GP6: variants seen among roughly 807,000 people sequenced by gnomAD.
GP6 encodes platelet glycoprotein VI.
GP6 carries 45 observed loss-of-function variants against 37.3 expected under a neutral mutation model. The observed-to-expected ratio is 1.21, with a 90% CI of 0.95 to 1.55. The LOEUF is 1.55. Ranked by LOEUF, GP6 falls within the 40% of genes most tolerant of loss-of-function variation. GP6 has a pLI of 0.00. For missense variants in GP6, 813 were observed against 760.2 expected (o/e 1.07, Z -0.82); for synonymous variants, 340 against 316.4 (o/e 1.07, Z -0.79).
At chr19:55,037,623 C>CATT (rs2074883356) in intron 1 of GP6, among the ~76,000 whole-genome samples, 2 of 50,410 alleles carry the variant, frequency 4.0e-5, no homozygotes, top group African/African-American at 1.6e-4. Context: ...GGCACTCAGC[C>CATT]TTTTTTTTTT....
At chr19:55,034,943 G>A (rs1671207) in intron 1 of GP6, among the ~76,000 whole-genome samples, 2 of 151,822 alleles carry the variant, frequency 1.3e-5, no homozygotes, top group African/African-American at 4.8e-5. Context: ...GCACCCCAAC[G>A]CAAGCTCCGG....
chr19:55,018,666 TC>T lies in GP6; in HGVS notation c.709del (p.Glu237LysfsTer105), dbSNP rs747661380. Reference sequence around the variant, plus strand: ...TGGTTACTCACCAGTTGTGAAGACTTCGTTTGTGAATGAGACGGTCAGTTCA... The same window carrying T: ...TGGTTACTCACCAGTTGTGAAGACTTGTTTGTGAATGAGACGGTCAGTTCA... On this transcript the variant is annotated frameshift_variant, in exon 6 of 8. Transcript: ENST00000310373. LOFTEE classifies it high-confidence loss of function. The T allele has an allele frequency of 6.2e-7, 1 of 1,600,574 alleles. No homozygotes were observed. Among genetic ancestry groups the T allele is most frequent in the East Asian group, 2.2e-5 (1 of 44,824 alleles).
rs570109671 is a variant in GP6 at position 55,014,632 on chromosome 19, G to C, written c.1313C>G (p.Thr438Arg). The C allele has an allele frequency of 1.2e-6, 2 of 1,614,124 alleles. No individual in the cohort carries two copies. The highest frequency in any genetic ancestry group is 3.3e-5 in the Admixed American group (2 of 60,020). Residue 438 changes from threonine (T) to arginine (R), a missense_variant, in exon 8 of 8, where the codon ACA becomes AGA. Thr to Arg is a moderately conservative substitution (Grantham distance 71). Transcript: ENST00000310373. ...AGAGGTTGAAGAAAGAGGCCAGTAT[G>C]TGGTCCAGCCAGGGTACCATGTCAT...
At position 55,033,453 on chromosome 19, in the gene GP6, C is replaced by T. The variant is rs1172681891; in HGVS notation, c.35-915G>A. Among the ~76,000 whole-genome samples the T allele has an allele frequency of 2.1e-5, 3 of 140,778 alleles. No individual in the cohort carries two copies. In the South Asian group the frequency reaches 7.1e-4, roughly 33 times the overall value. The allele number at this position is 140,778 out of a possible 152,430, so 92.4% of individuals were successfully genotyped here. On this transcript the variant is annotated intron_variant, in intron 1 of 7. Transcript: ENST00000310373. ...GCGGTGGGCTCGTTCGTGTTAGACG[C>T]GGTGGGCTCGTTCGTGTTGTGTTAG...
chr19:55,034,518 T>G (rs2074751824), intron 1 of GP6, among the ~76,000 whole-genome samples: 1 of 150,120 alleles, frequency 6.7e-6, no homozygotes, highest in Non-Finnish European at 1.5e-5. Flanking sequence ...ATCACGCCAC[T>G]ACACTCCAGC....
chr19:55,026,000 C>A (rs2365591), intron 4 of GP6, among the ~76,000 whole-genome samples: 3,166 of 16,850 alleles, frequency 0.19, 68 homozygotes, highest in East Asian at 0.39. Context: ...AGACTCCCCC[C>A]AAAAAAAAAA....
At chr19:55,024,309 T>TGCACGCACACGCACATGCACAC (rs1357661954) in intron 5 of GP6, among the ~76,000 whole-genome samples, 1 of 129,950 alleles carries the variant, frequency 7.7e-6, no homozygotes, top group Non-Finnish European at 1.6e-5. Context: ...TGCACACACA[T>TGCACGCACACGCACATGCACAC]ATGCACGCAC....
intron 3 of GP6, among the ~76,000 whole-genome samples, 183 bp from the exon 4 acceptor site, chr19:55,028,045 G>A: frequency 6.6e-6 from 1 of 152,218 alleles, no homozygotes; most frequent in East Asian, 1.9e-4. Context: ...AGGAGGCTGT[G>A]CTCACGTCCT....
rs368239187 is a variant in GP6 at position 55,018,606 on chromosome 19, G to A, written c.724+46C>T. 94 of 1,058,280 alleles carry A rather than the reference G, an allele frequency of 8.9e-5. 1 individual carries two copies. In the East Asian group the frequency reaches 2.0e-3, roughly 22 times the overall value. The allele number at this position is 1,058,280 out of a possible 1,614,324, so 65.6% of individuals were successfully genotyped here. A position where few individuals can be genotyped will look rare whatever the true frequency, so the allele number is the denominator to read the frequency against. Reference sequence around the variant, plus strand: ...CTTAGATAATGGAAGAGAGAGCTCCGTCCTCACACTCCTTTCTGCTGAGCA... The same window carrying A: ...CTTAGATAATGGAAGAGAGAGCTCCATCCTCACACTCCTTTCTGCTGAGCA... On this transcript the variant is annotated intron_variant, in intron 6 of 7. Coordinates refer to ENST00000310373, the MANE Select transcript of GP6 (RefSeq NM_001083899.2).
rs1288310787 is a variant in GP6 at position 55,027,829 on chromosome 19, GGC to G, written c.357_358del (p.Gln119HisfsTer22). 4 of 1,614,106 alleles carry G rather than the reference GGC, an allele frequency of 2.5e-6. No homozygotes were observed. The South Asian group carries it at 4.4e-5, about 18-fold the overall frequency. On this transcript the variant is annotated frameshift_variant, in exon 4 of 8. Transcript: ENST00000310373. LOFTEE classifies it high-confidence loss of function. The stretch of plus-strand genomic sequence containing the variant: ...CCCTCCTGACGACACCGCCGGGCCG[GGC>G]TGGGCTGAGAGCGAGGGTTTGGCAA...
At chr19:55,015,255 T>G in intron 7 of GP6, 90 bp from the exon 8 acceptor site, 2 of 1,544,264 alleles carry the variant, frequency 1.3e-6, no homozygotes, top group South Asian at 2.4e-5. Flanking sequence ...GAGATCCTAT[T>G]ATTCTCTACT....
chr19:55,032,241 T>G lies in GP6; in HGVS notation c.223A>C (p.Ile75Leu), dbSNP rs1291584960. 1.2e-6 allele frequency: 2 copies of G among 1,614,088 alleles called. No individual in the cohort carries two copies. Among genetic ancestry groups the G allele is most frequent in the East Asian group, 2.2e-5 (1 of 44,876 alleles). Reference sequence around the variant, plus strand: ...GCCAGACTTCTCTTCATGGCCGGGATGAAGAGGACTGCCTGATCCTGGTAC... The same window carrying G: ...GCCAGACTTCTCTTCATGGCCGGGAGGAAGAGGACTGCCTGATCCTGGTAC... Residue 75 changes from isoleucine (I) to leucine (L), a missense_variant, in exon 3 of 8, where the codon ATC (isoleucine) becomes CTC (leucine). Transcript: ENST00000310373.
chr19:55,036,253 G>A (rs1177996429), intron 1 of GP6, among the ~76,000 whole-genome samples: 1 of 152,032 alleles, frequency 6.6e-6, no homozygotes, highest in Non-Finnish European at 1.5e-5. Context: ...GACTCAGAAG[G>A]GAAGGGCAGA....
At chr19:55,037,660 GCTCT>G (rs1156298718) in intron 1 of GP6, among the ~76,000 whole-genome samples, 2 of 114,238 alleles carry the variant, frequency 1.8e-5, no homozygotes, top group Non-Finnish European at 3.5e-5. Context: ...TGAGATGGAG[GCTCT>G]CTCTGTTGCC....
At chr19:55,032,445 A>T (rs1568638216) in intron 2 of GP6, 49 bp from the exon 3 acceptor site, 4 of 1,612,316 alleles carry the variant, frequency 2.5e-6, no homozygotes, top group African/African-American at 1.3e-5. Flanking sequence ...CCCCGCCTGG[A>T]CCCCGCTGCT....
intron 1 of GP6, among the ~76,000 whole-genome samples, chr19:55,037,716 C>G (rs2074889495): frequency 7.6e-6 from 1 of 132,436 alleles, no homozygotes; most frequent in African/African-American, 2.8e-5. Flanking sequence ...ACTGCAACTT[C>G]TGCCTCCCAG....
chr19:55,018,879 C>T, intron 5 of GP6, 168 bp from the exon 6 acceptor site: 2 of 685,980 alleles, frequency 2.9e-6, no homozygotes, highest in South Asian at 3.1e-5. Context: ...TCTTCCATGA[C>T]CGGCTTAGTA....
At chr19:55,015,418 G>GT (rs1263439886) in intron 7 of GP6, among the ~76,000 whole-genome samples, 3 of 152,156 alleles carry the variant, frequency 2.0e-5, no homozygotes, top group Non-Finnish European at 4.4e-5. Flanking sequence ...ATGCTGCCTC[G>GT]TTATCTGATG....
At position 55,020,326 on chromosome 19, in the gene GP6, T is replaced by C. The variant is rs1361467434; in HGVS notation, c.665-1615A>G. On this transcript the variant is annotated intron_variant, in intron 5 of 7. Transcript: ENST00000310373. ...TGCACCCATCAACCCATCACCTAGG[T>C]ATTAAGCCCCACACGCATCAGCTAT... Among the ~76,000 whole-genome samples, 2 of 151,852 alleles carry C rather than the reference T, an allele frequency of 1.3e-5. 1 individual carries two copies. Among genetic ancestry groups the C allele is most frequent in the Non-Finnish European group, 2.9e-5 (2 of 67,972 alleles).
Sources: allele counts gnomAD v4.1 joint callset (sites outside exome capture counted in the v4.1 genomes callset), GRCh38; gene constraint gnomAD v4.1.1; transcripts MANE v1.5; gene names NCBI Gene and HGNC (gene_info 2026-07-23, HGNC 2026-07-21).